Variants in CCDC171 observed in about 807,000 individuals in gnomAD.
CCDC171 encodes coiled-coil domain-containing protein 171.
A neutral mutation model predicts 168.2 loss-of-function variants in CCDC171; 177 were observed. The observed-to-expected ratio is 1.05, with a 90% CI of 0.93 to 1.19. The LOEUF is 1.19. CCDC171 is among the 50% of genes most tolerant of loss of function. CCDC171 has a pLI of 0.00. For synonymous variants in CCDC171, 687 were observed against 540.8 expected (o/e 1.27, Z -3.75); for missense variants, 1,991 against 1,539.0 (o/e 1.29, Z -4.91).
rs549844744 is a variant in CCDC171, at chr9:15,606,221, A to G, written c.675+12049A>G. ...ACTGAAAGGGAAGATGAAACCGCAG[A>G]TAAGAGGGAATATTGTATTTCAGTA... On this transcript the variant is annotated intron_variant, in intron 6 of 25. Coordinates refer to ENST00000380701, the MANE Select transcript of CCDC171 (RefSeq NM_173550.4). Among the ~76,000 whole-genome samples, 33 of 152,312 alleles carry G rather than the reference A, an allele frequency of 2.2e-4. No homozygotes were observed. The South Asian group carries it at 6.6e-3, about 31-fold the overall frequency.
At chr9:15,627,901 A>G (rs1363822252) in intron 7 of CCDC171, among the ~76,000 whole-genome samples, 1 of 152,180 alleles carries the variant, frequency 6.6e-6, no homozygotes, top group Non-Finnish European at 1.5e-5. Context: ...TGATCTGTCT[A>G]ATGTTGACAG....
At chr9:15,599,436 G>C (rs2042651927) in intron 6 of CCDC171, among the ~76,000 whole-genome samples, 1 of 152,068 alleles carries the variant, frequency 6.6e-6, no homozygotes, top group African/African-American at 2.4e-5. Flanking sequence ...ATGAAATTCT[G>C]GGTTGAAAAT....
chr9:15,659,409 G>C (rs948302056), intron 8 of CCDC171, among the ~76,000 whole-genome samples: 3 of 152,022 alleles, frequency 2.0e-5, no homozygotes, highest in Non-Finnish European at 4.4e-5. Context: ...TAATAAATAT[G>C]GTATTTGTTA....
chr9:15,960,722 A>G (rs1002847683), intron 25 of CCDC171, among the ~76,000 whole-genome samples: 1 of 152,168 alleles, frequency 6.6e-6, no homozygotes, highest in Admixed American at 6.6e-5. Context: ...ATTTGAAGGC[A>G]TTCTGCAGAT....
chr9:15,612,114 C>G (rs1264046921), intron 6 of CCDC171, among the ~76,000 whole-genome samples: 4 of 152,226 alleles, frequency 2.6e-5, no homozygotes, highest in African/African-American at 4.8e-5. Context: ...TATTTCCCAT[C>G]TTCCAGAACT....
At chr9:15,908,340 T>C (rs992564950) in intron 24 of CCDC171, among the ~76,000 whole-genome samples, 9 of 152,128 alleles carry the variant, frequency 5.9e-5, no homozygotes, top group Non-Finnish European at 1.3e-4. Context: ...AAATGATGAG[T>C]TCATGTCCTT....
At chr9:15,602,651 T>TGA in intron 6 of CCDC171, among the ~76,000 whole-genome samples, 1 of 30,398 alleles carries the variant, frequency 3.3e-5, no homozygotes. Context: ...TTTTTTCTTT[T>TGA]TTTTTTTTTT....
intron 9 of CCDC171, among the ~76,000 whole-genome samples, chr9:15,677,881 T>C (rs1208123353): frequency 1.3e-4 from 1 of 7,694 alleles, no homozygotes; most frequent in Non-Finnish European, 2.6e-4. Flanking sequence ...GTGTGTGTCA[T>C]ATATATATAT....
intron 16 of CCDC171, among the ~76,000 whole-genome samples, chr9:15,740,198 CTA>C (rs2054770562): frequency 6.6e-6 from 1 of 151,972 alleles, no homozygotes; most frequent in African/African-American, 2.4e-5. Flanking sequence ...GATTTATGGT[CTA>C]TTTGGAATTT....
At chr9:15,795,837 C>G (rs531192315) in intron 21 of CCDC171, among the ~76,000 whole-genome samples, 2 of 152,262 alleles carry the variant, frequency 1.3e-5, no homozygotes, top group South Asian at 2.1e-4. Flanking sequence ...CACACAGGGT[C>G]TTAGTTTACA....
chr9:15,594,014 G>C, intron 5 of CCDC171, 27 bp from the exon 6 acceptor site: 1 of 1,531,372 alleles, frequency 6.5e-7, no homozygotes, highest in Non-Finnish European at 8.9e-7. Flanking sequence ...TGATCTAACA[G>C]TAAAGCAAGA....
At chr9:15,898,522 A>G (rs964148784) in intron 24 of CCDC171, among the ~76,000 whole-genome samples, 6 of 152,204 alleles carry the variant, frequency 3.9e-5, no homozygotes, top group African/African-American at 1.4e-4. Flanking sequence ...AGTTATGTGC[A>G]GAAGACTGGT....
intron 1 of CCDC171, among the ~76,000 whole-genome samples, chr9:16,055,023 G>A (rs989155579): frequency 6.6e-6 from 1 of 152,202 alleles, no homozygotes; most frequent in African/African-American, 2.4e-5. Flanking sequence ...CCAGGTGAGA[G>A]GGGGCAGTGG....
In CCDC171 at chr9:15,586,363, G is replaced by A. The variant is rs567975771; in HGVS notation, c.353-5003G>A. 4.1e-4 allele frequency among the ~76,000 whole-genome samples: 62 copies of A among 152,278 alleles called. 2 individuals are homozygous for A. The South Asian group carries it at 0.012, about 31-fold the overall frequency. ...AGTGTAAAAAGCCTAATGCAGTTATGAGATAATCCCATAACAATGGAGAGA... is the reference window on the plus strand; with the variant it reads ...AGTGTAAAAAGCCTAATGCAGTTATAAGATAATCCCATAACAATGGAGAGA... On this transcript the variant is annotated intron_variant, in intron 4 of 25. Transcript: ENST00000380701.
intron 21 of CCDC171, among the ~76,000 whole-genome samples, chr9:15,811,599 T>C (rs1387729549): frequency 1.3e-5 from 2 of 152,212 alleles, no homozygotes; most frequent in African/African-American, 4.8e-5. Context: ...TTAACCTTAC[T>C]AACTTTAAGT....
At chr9:15,806,120 C>T (rs1166624657) in intron 21 of CCDC171, among the ~76,000 whole-genome samples, 1 of 151,950 alleles carries the variant, frequency 6.6e-6, no homozygotes, top group East Asian at 1.9e-4. Context: ...TTTGAGCCTA[C>T]CTGTGTCTTT....
chr9:15,635,426 G>T (rs917968584), intron 7 of CCDC171, among the ~76,000 whole-genome samples: 1 of 152,116 alleles, frequency 6.6e-6, no homozygotes, highest in Non-Finnish European at 1.5e-5. Context: ...AAAAATTGAA[G>T]AACTTGGAGT....
chr9:16,080,631 C>G, the CCDC171 span, among the ~76,000 whole-genome samples: 1 of 152,148 alleles, frequency 6.6e-6, no homozygotes, highest in Non-Finnish European at 1.5e-5. Flanking sequence ...CTTGGAAGAT[C>G]CTCGCTTATG....
chr9:15,900,957 G>A (rs1222431217), intron 24 of CCDC171, among the ~76,000 whole-genome samples: 3 of 152,074 alleles, frequency 2.0e-5, no homozygotes, highest in Admixed American at 6.6e-5. Flanking sequence ...GATGCCACAG[G>A]GGAGTAGTCT....
Sources: gnomAD v4.1 joint callset for allele counts (sites outside exome capture counted in the v4.1 genomes callset) on GRCh38, gnomAD v4.1.1 for gene constraint, MANE v1.5 for transcripts, NCBI Gene and HGNC (gene_info 2026-07-23, HGNC 2026-07-21) for gene names.